The following ZNF385C variants were observed in gnomAD, a reference collection of about 807,000 sequenced individuals.
ZNF385C encodes the protein zinc finger protein 385C.
A neutral mutation model predicts 35.4 loss-of-function variants in ZNF385C; 28 were observed. The ratio of observed to expected loss-of-function variants is 0.79; its 90% CI spans 0.59 to 1.08. ZNF385C has a LOEUF of 1.08. ZNF385C is among the 50% of genes least tolerant of loss of function. The pLI, the probability that ZNF385C is intolerant of heterozygous loss-of-function variation, is 0.00. For missense variants in ZNF385C, 605 were observed against 595.6 expected, an observed-to-expected ratio of 1.02 and a Z score of -0.16; for synonymous variants, 248 against 248.2, an observed-to-expected ratio of 1.00 and a Z score of 0.01.
At chr17:42,064,073 TAC>T (rs55771386) in intron 1 of ZNF385C, among the ~76,000 whole-genome samples, 7,417 of 129,718 alleles carry the variant, frequency 0.057, 251 homozygotes, top group East Asian at 0.17. Flanking sequence ...CACACGCACA[TAC>T]ACACACACAC....
At chr17:42,073,304 C>T (rs997619496) in intron 1 of ZNF385C, among the ~76,000 whole-genome samples, 27 of 152,188 alleles carry the variant, frequency 1.8e-4, no homozygotes, top group Middle Eastern at 6.8e-3. Flanking sequence ...GGGGTAGTGG[C>T]ACGCCTGTAA....
At chr17:42,081,478 C>A (rs1164459838) in intron 1 of ZNF385C, among the ~76,000 whole-genome samples, 1 of 152,180 alleles carries the variant, frequency 6.6e-6, no homozygotes, top group Non-Finnish European at 1.5e-5. Flanking sequence ...CCTTCACCTC[C>A]TGGGTTCAAG....
intron 2 of ZNF385C, chr17:42,040,750 C>G (rs369682304): frequency 8.1e-7 from 1 of 1,232,252 alleles, no homozygotes; most frequent in African/African-American, 1.6e-5. Context: ...CAAGTGGGAA[C>G]TAGGGCCACC....
intron 2 of ZNF385C, chr17:42,040,034 C>A (rs1308128609): frequency 4.9e-6 from 6 of 1,231,090 alleles, no homozygotes; most frequent in Middle Eastern, 3.1e-4. Flanking sequence ...CCGAATACTA[C>A]GCGCTTAAAC....
At chr17:42,088,198 G>T (rs2053829145) in intron 1 of ZNF385C, among the ~76,000 whole-genome samples, 4 of 152,232 alleles carry the variant, frequency 2.6e-5, no homozygotes, top group African/African-American at 9.6e-5. Flanking sequence ...GCTGATGCTG[G>T]GTCTGGGAGG....
chr17:42,031,933 C>A (rs2052739365), intron 4 of ZNF385C, 149 bp from the exon 5 acceptor site: 1 of 868,728 alleles, frequency 1.2e-6, no homozygotes, highest in African/African-American at 1.7e-5. Flanking sequence ...TCATCATCAC[C>A]ATAGCACATG....
chr17:42,064,940 C>T (rs555115952), intron 1 of ZNF385C, among the ~76,000 whole-genome samples: 20 of 152,006 alleles, frequency 1.3e-4, no homozygotes, highest in Non-Finnish European at 2.5e-4. Flanking sequence ...CTCTGCCTCC[C>T]GGATTCAAGC....
At chr17:42,093,963 C>T (rs1413573322) in intron 1 of ZNF385C, among the ~76,000 whole-genome samples, 2 of 151,516 alleles carry the variant, frequency 1.3e-5, no homozygotes, top group African/African-American at 4.9e-5. Context: ...GTGATCGTGG[C>T]CCCCTGGGAG....
intron 1 of ZNF385C, among the ~76,000 whole-genome samples, chr17:42,066,620 G>C (rs1356171648): frequency 6.6e-6 from 1 of 152,124 alleles, no homozygotes; most frequent in African/African-American, 2.4e-5. Context: ...GTTGAATTAT[G>C]TCCCCCAAAA....
chr17:42,053,319 G>A (rs970681968), intron 2 of ZNF385C, among the ~76,000 whole-genome samples: 2 of 152,176 alleles, frequency 1.3e-5, no homozygotes, highest in Admixed American at 1.3e-4. Flanking sequence ...GGTGAGCTGG[G>A]AGACCACAGA....
intron 3 of ZNF385C, among the ~76,000 whole-genome samples, chr17:42,034,617 T>TA (rs1555655250): frequency 0.15 from 9,291 of 62,222 alleles, 459 homozygotes; most frequent in African/African-American, 0.19. Flanking sequence ...CCATCTCTAC[T>TA]AAAAAAAAAA....
intron 2 of ZNF385C, among the ~76,000 whole-genome samples, chr17:42,046,647 A>G (rs2143712864): frequency 6.6e-6 from 1 of 152,194 alleles, no homozygotes; most frequent in South Asian, 2.1e-4. Context: ...AAAATACGAG[A>G]GGCCAAGGCA....
At chr17:42,065,539 A>G (rs1451020938) in intron 1 of ZNF385C, among the ~76,000 whole-genome samples, 3 of 152,222 alleles carry the variant, frequency 2.0e-5, no homozygotes, top group Non-Finnish European at 4.4e-5. Flanking sequence ...ACCTGCCTGT[A>G]GTCCCCAGAT....
In ZNF385C at chr17:42,028,175, T is replaced by C. The variant is rs1401997063; in HGVS notation, c.1039A>G (p.Arg347Gly). 1.2e-6 allele frequency: 2 copies of C among 1,602,372 alleles called. No homozygotes were observed. Among genetic ancestry groups the C allele is most frequent in the African/African-American group, 1.3e-5 (1 of 74,306 alleles). ...PRRSRGRPVS[R>G]GGAGHKAKRV... ...TTGGCTTTGTGTCCGGCACCTCCCCTGGACACCGGGCGGCCCCGGCTCCTC... is the reference window on the plus strand; with the variant it reads ...TTGGCTTTGTGTCCGGCACCTCCCCCGGACACCGGGCGGCCCCGGCTCCTC... Residue 347 changes from arginine (R) to glycine (G), a missense_variant, in exon 7 of 9, where the codon AGG becomes GGG. Arg to Gly is a moderately radical substitution (Grantham distance 125). Coordinates refer to ENST00000692273, the MANE Select transcript of ZNF385C (RefSeq NM_001392013.1).
chr17:42,033,493 G>A (rs1555655147), intron 4 of ZNF385C, among the ~76,000 whole-genome samples: 1 of 152,216 alleles, frequency 6.6e-6, no homozygotes, highest in Non-Finnish European at 1.5e-5. Flanking sequence ...GCTCACACCT[G>A]TAATCCCAGC....
At chr17:42,076,637 A>T (rs2053689487) in intron 1 of ZNF385C, among the ~76,000 whole-genome samples, 1 of 150,724 alleles carries the variant, frequency 6.6e-6, no homozygotes. Context: ...AACACACAAA[A>T]AAAACAAAGA....
chr17:42,086,828 C>CTT (rs531764608), intron 1 of ZNF385C, among the ~76,000 whole-genome samples: 50 of 132,368 alleles, frequency 3.8e-4, no homozygotes, highest in African/African-American at 1.2e-3. Flanking sequence ...CAGTTTAATA[C>CTT]TTTTTTTTTT....
chr17:42,062,485 A>C, intron 2 of ZNF385C: 1 of 236,952 alleles, frequency 4.2e-6, no homozygotes, highest in Non-Finnish European at 8.1e-6. Flanking sequence ...GCCTGTGGCT[A>C]CCAGGAGGCT....
chr17:42,089,988 C>T (rs1192354476), intron 1 of ZNF385C, among the ~76,000 whole-genome samples: 8 of 152,170 alleles, frequency 5.3e-5, no homozygotes, highest in African/African-American at 1.4e-4. Context: ...AAACATCCTT[C>T]GGGTCAAAAT....
Sources: gnomAD v4.1 joint callset for allele counts (sites outside exome capture counted in the v4.1 genomes callset) on GRCh38, gnomAD v4.1.1 for gene constraint, MANE v1.5 for transcripts, NCBI Gene and HGNC (gene_info 2026-07-23, HGNC 2026-07-21) for gene names.